LY75: variants seen among roughly 807,000 people sequenced by gnomAD.
LY75 encodes C-type lectin domain family 13 member B.
In LY75, 185 loss-of-function variants were observed where a neutral mutation model predicts 231.7. That is an observed-to-expected ratio of 0.80 (90% CI 0.71 to 0.90). The LOEUF is 0.90. LY75 is among the 40% of genes least tolerant of loss of function. The probability of loss-of-function intolerance (pLI) is 0.00; values close to 1 mark genes in which losing one functional copy is unlikely to be tolerated. For missense variants in LY75, 1,947 were observed against 2,050.2 expected (o/e 0.95, Z 0.97); for synonymous variants, 668 against 689.0 (o/e 0.97, Z 0.48).
Position 159,810,581 on chromosome 2 carries a change from C to T in LY75, c.4644G>A (p.Lys1548=). The T allele has an allele frequency of 6.2e-7, 1 of 1,614,130 alleles. No individual in the cohort carries two copies. The highest frequency in any genetic ancestry group is 8.5e-7 in the Non-Finnish European group (1 of 1,180,016). The change falls in exon 32 of 35, where the codon AAG becomes AAA. Residue 1548 remains lysine (K), a synonymous_variant. Coordinates refer to ENST00000263636, the MANE Select transcript of LY75 (RefSeq NM_002349.4). ...RWIQYKGHCY[K]SDQALHSFSE... ...AAAAACTGTGCAATGCCTGATCAGA[C>T]TTGTAACAGTGACCCTTGTACTGGA...
Position 159,853,705 on chromosome 2 carries a change from A to G in LY75, c.2596-8T>C, listed in dbSNP as rs41264211. The G allele has an allele frequency of 0.073, 117,052 of 1,613,066 alleles. 4,827 individuals are homozygous for G. The highest frequency in any genetic ancestry group is 0.081 in the Non-Finnish European group (95,021 of 1,179,636). ...CTGTCCATCACCAGATATCTGAAAA[A>G]CAAGCCAAACATCCATCCTTATATG... On this transcript the variant is annotated splice_polypyrimidine_tract_variant and splice_region_variant and intron_variant, in intron 18 of 34. Coordinates refer to ENST00000263636, the MANE Select transcript of LY75 (RefSeq NM_002349.4).
chr2:159,903,286 A>G (rs1196957165), intron 1 of LY75: 1 of 152,244 alleles, frequency 6.6e-6, no homozygotes, highest in African/African-American at 2.4e-5. Context: ...ACAGGACTGA[A>G]GCAGATGTCG....
intron 25 of LY75, 54 bp downstream of exon 25, chr2:159,840,675 T>TA (rs1351008143): frequency 4.3e-6 from 7 of 1,610,988 alleles, no homozygotes; most frequent in African/African-American, 2.7e-5. Context: ...CTATGCACAA[T>TA]AAAAAATGTC....
chr2:159,831,420 G>A (rs908933129), intron 28 of LY75, among the ~76,000 whole-genome samples: 1 of 152,112 alleles, frequency 6.6e-6, no homozygotes, highest in East Asian at 1.9e-4. Context: ...ACCCAGGTTC[G>A]GGTAGTTCTT....
chr2:159,874,670 T>A (rs377478402), intron 12 of LY75, among the ~76,000 whole-genome samples: 1 of 87,402 alleles, frequency 1.1e-5, no homozygotes, highest in Non-Finnish European at 2.1e-5. Flanking sequence ...ATATATATAT[T>A]TTGTAAATAT....
intron 23 of LY75, among the ~76,000 whole-genome samples, chr2:159,848,034 A>G (rs1275475731): frequency 6.7e-6 from 1 of 148,536 alleles, no homozygotes; most frequent in East Asian, 2.0e-4. Flanking sequence ...CCAAATGCCC[A>G]TCAGTCAATG....
In LY75 at chr2:159,831,806, C is replaced by A; in HGVS notation, c.3842-20G>T. 1.3e-6 allele frequency: 2 copies of A among 1,578,588 alleles called. No individual in the cohort carries two copies. The highest frequency in any genetic ancestry group is 2.3e-5 in the South Asian group (2 of 86,384). ...TTGGATCTGTTGAATAAAAAATAAT[C>A]AATAATTTTAACAATTACTTATCTA... On this transcript the variant is annotated intron_variant, in intron 27 of 34. Transcript: ENST00000263636.
At chr2:159,869,782 C>A (rs1451968772) in intron 13 of LY75, among the ~76,000 whole-genome samples, 1 of 152,230 alleles carries the variant, frequency 6.6e-6, no homozygotes, top group South Asian at 2.1e-4. Flanking sequence ...TTACAAAACA[C>A]GTTGTATAAA....
intron 15 of LY75, among the ~76,000 whole-genome samples, chr2:159,860,491 C>T (rs549832534): frequency 4.2e-4 from 64 of 152,302 alleles, no homozygotes; most frequent in Non-Finnish European, 8.2e-4. Flanking sequence ...AAACTCTATC[C>T]ATCCTTAAAG....
At chr2:159,879,449 A>C in intron 8 of LY75, 80 bp from the exon 9 acceptor site, 1 of 1,552,010 alleles carries the variant, frequency 6.4e-7, no homozygotes. Context: ...AAAAACTATG[A>C]CAGAGACAGA....
At chr2:159,847,307 C>A (rs1226886264) in intron 23 of LY75, among the ~76,000 whole-genome samples, 1 of 152,150 alleles carries the variant, frequency 6.6e-6, no homozygotes, top group African/African-American at 2.4e-5. Context: ...AGCCACCACG[C>A]CCAGCCTTTT....
At position 159,893,802 on chromosome 2, in the gene LY75, C is replaced by T; in HGVS notation, c.637+112G>A. ...TCTCCTCCAAACATACACTTCTTATCCGGGATAATATTTTTGCAGTCACTT... is the reference window on the plus strand; with the variant it reads ...TCTCCTCCAAACATACACTTCTTATTCGGGATAATATTTTTGCAGTCACTT... On this transcript the variant is annotated intron_variant, in intron 3 of 34. Transcript: ENST00000263636. The T allele has an allele frequency of 2.9e-6, 4 of 1,393,482 alleles. No individual in the cohort carries two copies. In the South Asian group the frequency reaches 4.4e-5, roughly 15 times the overall value. The allele number at this position is 1,393,482 out of a possible 1,614,324, so 86.3% of individuals were successfully genotyped here. A position where few individuals can be genotyped will look rare whatever the true frequency, so the allele number is the denominator to read the frequency against.
intron 32 of LY75, among the ~76,000 whole-genome samples, chr2:159,808,899 C>T (rs1682870386): frequency 6.6e-6 from 1 of 152,144 alleles, no homozygotes; most frequent in African/African-American, 2.4e-5. Context: ...CCTCCCAATG[C>T]CACTTAGCTA....
chr2:159,823,839 C>T (rs540395940), intron 28 of LY75, among the ~76,000 whole-genome samples: 52 of 152,242 alleles, frequency 3.4e-4, no homozygotes, highest in African/African-American at 1.2e-3. Context: ...ATTTCATATC[C>T]AGCCAAACTA....
At chr2:159,826,354 C>A (rs6735046) in intron 28 of LY75, among the ~76,000 whole-genome samples, 15,502 of 152,074 alleles carry the variant, frequency 0.1, 2,728 homozygotes, top group African/African-American at 0.35. Context: ...CTCCCATTCA[C>A]AACTGTTACA....
At chr2:159,853,402 A>T (rs1044521703) in intron 19 of LY75, 50 bp from the exon 20 acceptor site, 21 of 1,589,306 alleles carry the variant, frequency 1.3e-5, no homozygotes, top group Non-Finnish European at 1.7e-5. Flanking sequence ...TAGGTGTTCC[A>T]TTTTTTTCTT....
At chr2:159,824,871 G>A (rs971860109) in intron 28 of LY75, among the ~76,000 whole-genome samples, 23 of 151,904 alleles carry the variant, frequency 1.5e-4, no homozygotes, top group African/African-American at 4.6e-4. Flanking sequence ...GGTAAATAAC[G>A]AAATGAAGGC....
intron 1 of LY75, among the ~76,000 whole-genome samples, chr2:159,904,148 G>A (rs2125889617): frequency 6.6e-6 from 1 of 152,370 alleles, no homozygotes; most frequent in Non-Finnish European, 1.5e-5. Context: ...GGCGCTGTGG[G>A]TGGAGGCTCC....
Position 159,819,827 on chromosome 2 carries a change from C to T in LY75, c.4052G>A (p.Gly1351Asp), listed in dbSNP as rs774678879. Residue 1351 changes from glycine to aspartate, a missense_variant, in exon 29 of 35, where the codon GGT becomes GAT. Gly to Asp is a moderately conservative substitution (Grantham distance 94). Coordinates refer to ENST00000263636, the MANE Select transcript of LY75 (RefSeq NM_002349.4). ...ATCCCAGAAGCCGTCAGTACTTAAA[C>T]CAGCCAAAAACTTCTCATTTTTTAT... ...PTIKNEKFLA[G>D]LSTDGFWDIQ... 1.9e-5 allele frequency: 30 copies of T among 1,613,972 alleles called. No individual in the cohort carries two copies. The highest frequency in any genetic ancestry group is 9.3e-5 in the African/African-American group (7 of 74,912).
Sources: allele counts gnomAD v4.1 joint callset (sites outside exome capture counted in the v4.1 genomes callset), GRCh38; gene constraint gnomAD v4.1.1; transcripts MANE v1.5; gene names NCBI Gene and HGNC (gene_info 2026-07-23, HGNC 2026-07-21).